ELP4: variants seen among roughly 807,000 people sequenced by gnomAD.
ELP4 encodes the protein elongator acetyltransferase complex subunit 4, also known as elongator complex protein 4.
In ELP4, 51 loss-of-function variants were observed where a neutral mutation model predicts 48.9. That is an observed-to-expected ratio of 1.04 (90% CI 0.83 to 1.32). The LOEUF (loss-of-function observed/expected upper bound fraction) is 1.32. Ranked by LOEUF, ELP4 falls within the 40% of genes most tolerant of loss-of-function variation. The pLI is 0.00. For synonymous variants in ELP4, 210 were observed against 189.2 expected, an observed-to-expected ratio of 1.11 and a Z score of -0.90; for missense variants, 519 against 514.6, an observed-to-expected ratio of 1.01 and a Z score of -0.08.
chr11:31,616,787 G>T (rs900067797), intron 5 of ELP4, among the ~76,000 whole-genome samples: 2 of 152,060 alleles, frequency 1.3e-5, no homozygotes, highest in African/African-American at 4.8e-5. Flanking sequence ...CTCCAAAGAT[G>T]ATATACAGAA....
At chr11:31,720,787 T>C (rs1946943655) in intron 9 of ELP4, among the ~76,000 whole-genome samples, 1 of 152,164 alleles carries the variant, frequency 6.6e-6, no homozygotes, top group South Asian at 2.1e-4. Flanking sequence ...GGAAGAAAAG[T>C]TGGAGAGGAC....
At chr11:31,525,780 T>TAACTAGTTAAA (rs1184941012) in intron 2 of ELP4, among the ~76,000 whole-genome samples, 1 of 152,178 alleles carries the variant, frequency 6.6e-6, no homozygotes, top group African/African-American at 2.4e-5. Flanking sequence ...CTAGGATTTT[T>TAACTAGTTAAA]GTTTGTTTAA....
intron 3 of ELP4, among the ~76,000 whole-genome samples, chr11:31,565,366 T>A (rs1021062296): frequency 8.6e-5 from 13 of 151,144 alleles, no homozygotes; most frequent in Non-Finnish European, 1.9e-4. Context: ...GTGCAGAAGC[T>A]CTTTAGTTTA....
intron 9 of ELP4, among the ~76,000 whole-genome samples, chr11:31,759,075 G>A (rs1947891986): frequency 6.6e-6 from 1 of 152,034 alleles, no homozygotes; most frequent in African/African-American, 2.4e-5. Context: ...TAACAAAATT[G>A]CTTAATATGT....
At chr11:31,637,730 A>G (rs2134054866) in intron 7 of ELP4, among the ~76,000 whole-genome samples, 1 of 152,116 alleles carries the variant, frequency 6.6e-6, no homozygotes, top group Non-Finnish European at 1.5e-5. Flanking sequence ...GAATTGGCTT[A>G]CCACTAGCAA....
intron 9 of ELP4, chr11:31,681,781 G>C: frequency 6.9e-6 from 1 of 144,746 alleles, no homozygotes. Flanking sequence ...CACTCTTGTT[G>C]CCCAGGCTGG....
chr11:31,625,755 G>C (rs755589472), intron 5 of ELP4, among the ~76,000 whole-genome samples: 1 of 151,834 alleles, frequency 6.6e-6, no homozygotes, highest in Non-Finnish European at 1.5e-5. Flanking sequence ...GTGCAAAGCA[G>C]ATTGATCCAG....
At chr11:31,769,029 C>CAACT (rs1948090525) in intron 9 of ELP4, among the ~76,000 whole-genome samples, 1 of 152,132 alleles carries the variant, frequency 6.6e-6, no homozygotes, top group Admixed American at 6.6e-5. Context: ...AAAGTAAATA[C>CAACT]AACTATTGAA....
intron 3 of ELP4, among the ~76,000 whole-genome samples, chr11:31,547,956 T>G (rs1956765375): frequency 6.6e-6 from 1 of 152,184 alleles, no homozygotes; most frequent in African/African-American, 2.4e-5. Flanking sequence ...CTAAAAACTC[T>G]CAATAAATTA....
At chr11:31,761,157 C>A (rs1179010233) in intron 9 of ELP4, among the ~76,000 whole-genome samples, 1 of 151,884 alleles carries the variant, frequency 6.6e-6, no homozygotes, top group Non-Finnish European at 1.5e-5. Context: ...GGCAACATGG[C>A]AAGACCCTGT....
intron 3 of ELP4, among the ~76,000 whole-genome samples, chr11:31,579,362 T>C (rs1392983666): frequency 6.6e-6 from 1 of 152,222 alleles, no homozygotes; most frequent in Non-Finnish European, 1.5e-5. Flanking sequence ...TCAACCATTG[T>C]GGAAGACAGT....
At chr11:31,696,091 A>T (rs1428246159) in intron 9 of ELP4, among the ~76,000 whole-genome samples, 1 of 151,704 alleles carries the variant, frequency 6.6e-6, no homozygotes, top group Non-Finnish European at 1.5e-5. Flanking sequence ...GTGGTCTATT[A>T]AATTTGTTGA....
rs117635766 is a variant in ELP4 at position 31,601,679 on chromosome 11, T to G, written c.514-2089T>G. On this transcript the variant is annotated intron_variant, in intron 4 of 9. Transcript: ENST00000640961. The stretch of plus-strand genomic sequence containing the variant: ...TGAGTGCATAGGACTTCAAGAACTT[T>G]CAGTCCACTAATAAATTTATTAACT... 9.2e-3 allele frequency among the ~76,000 whole-genome samples: 1,394 copies of G among 152,278 alleles called. 9 individuals carry two copies. The highest frequency in any genetic ancestry group is 0.015 in the Non-Finnish European group (989 of 68,002).
At chr11:31,718,410 A>G (rs530860112) in intron 9 of ELP4, among the ~76,000 whole-genome samples, 166 of 152,376 alleles carry the variant, frequency 1.1e-3, no homozygotes, top group Non-Finnish European at 1.9e-3. Context: ...ATTGCTGTGT[A>G]TTAAACTACC....
chr11:31,658,969 A>G (rs1399979096), intron 9 of ELP4, among the ~76,000 whole-genome samples: 3 of 152,044 alleles, frequency 2.0e-5, no homozygotes, highest in Non-Finnish European at 4.4e-5. Flanking sequence ...TAAGCAACAA[A>G]TATTATGATT....
chr11:31,561,218 C>A (rs745912058), intron 3 of ELP4, among the ~76,000 whole-genome samples: 10 of 152,032 alleles, frequency 6.6e-5, no homozygotes, highest in Non-Finnish European at 8.8e-5. Context: ...TATATTAACC[C>A]TCTATAGTTG....
chr11:31,549,320 G>A (rs1290710990), intron 3 of ELP4, among the ~76,000 whole-genome samples: 1 of 151,972 alleles, frequency 6.6e-6, no homozygotes, highest in Non-Finnish European at 1.5e-5. Flanking sequence ...TCAATAAGTG[G>A]GCGAAGGACA....
At chr11:31,728,536 G>A (rs1947123243) in intron 9 of ELP4, among the ~76,000 whole-genome samples, 1 of 152,142 alleles carries the variant, frequency 6.6e-6, no homozygotes, top group African/African-American at 2.4e-5. Flanking sequence ...GTAAGTATGA[G>A]TTCTTAGGCT....
At chr11:31,594,947 T>G in intron 4 of ELP4, 46 bp downstream of exon 4, 1 of 1,510,242 alleles carries the variant, frequency 6.6e-7, no homozygotes, top group Non-Finnish European at 8.8e-7. Context: ...AATGCATTTG[T>G]TTTCATCTTA....
Sources: gnomAD v4.1 joint callset for allele counts (sites outside exome capture counted in the v4.1 genomes callset) on GRCh38, gnomAD v4.1.1 for gene constraint, MANE v1.5 for transcripts, NCBI Gene and HGNC (gene_info 2026-07-23, HGNC 2026-07-21) for gene names.